ITGA10: variants seen among roughly 807,000 people sequenced by gnomAD.
ITGA10 encodes integrin alpha-10.
ITGA10 carries 105 observed loss-of-function variants against 145.2 expected under a neutral mutation model. The observed-to-expected ratio is 0.72, with a 90% CI of 0.62 to 0.85. The LOEUF (loss-of-function observed/expected upper bound fraction) is 0.85. Ranked by LOEUF, ITGA10 falls within the 40% of genes least tolerant of loss-of-function variation. The probability of loss-of-function intolerance (pLI) is 0.00; values close to 1 mark genes in which losing one functional copy is unlikely to be tolerated. For synonymous variants in ITGA10, 506 were observed against 557.8 expected (o/e 0.91, Z 1.31); for missense variants, 1,317 against 1,444.5 (o/e 0.91, Z 1.43).
In ITGA10 at chr1:145,895,676, TG is replaced by T; in HGVS notation, c.3068del (p.Pro1023GlnfsTer16). On this transcript the variant is annotated frameshift_variant, in exon 26 of 30. Transcript: ENST00000369304. LOFTEE classifies it high-confidence loss of function. ...SCIVQNLTEPPGPPVHPEELQ... is the reference protein window; with the variant it reads ...SCIVQNLTEPXGPPVHPEELQ... ...GCTCCTCTGGATGCACAGGTGGGCC[TG>T]GGGGTTCAGTCAGGTTCTGCACTAT... The T allele has an allele frequency of 1.2e-6, 2 of 1,614,232 alleles. No individual in the cohort carries two copies. The highest frequency in any genetic ancestry group is 1.7e-6 in the Non-Finnish European group (2 of 1,180,034).
At chr1:145,896,896 C>T (rs1194649233) in intron 22 of ITGA10, 38 bp from the exon 23 acceptor site, 1 of 1,570,810 alleles carries the variant, frequency 6.4e-7, no homozygotes. Context: ...ATCTCAACCC[C>T]TCCTCAGAAG....
At position 145,900,823 on chromosome 1, in the gene ITGA10, T is replaced by C. The variant is rs1240041074; in HGVS notation, c.1758A>G (p.Gly586=). 4 of 1,613,998 alleles carry C rather than the reference T, an allele frequency of 2.5e-6. No individual in the cohort carries two copies. Among genetic ancestry groups the C allele is most frequent in the African/African-American group, 1.3e-5 (1 of 74,876 alleles). The stretch of plus-strand genomic sequence containing the variant: ...GATGGGGCCTGACTCCACTCTGGGT[T>C]CCATGGTACAGGTACAGTGCTCCCT... ...GHQGALYLYH[G]TQSGVRPHPA... Residue 586 remains glycine, a synonymous_variant, in exon 14 of 30, where the codon GGA becomes GGG. Coordinates refer to ENST00000369304, the MANE Select transcript of ITGA10 (RefSeq NM_003637.5).
At chr1:145,897,166 C>T in intron 21 of ITGA10, 79 bp from the exon 22 acceptor site, 1 of 1,564,526 alleles carries the variant, frequency 6.4e-7, no homozygotes, top group Admixed American at 1.7e-5. Context: ...CTTGTGCGCC[C>T]CCTTCCCTGA....
intron 18 of ITGA10, 29 bp downstream of exon 18, chr1:145,898,081 A>G: frequency 6.6e-7 from 1 of 1,516,036 alleles, no homozygotes; most frequent in East Asian, 2.3e-5. Context: ...CAGTGTTGGG[A>G]GCAAGGGGCA....
At chr1:145,906,939 G>A in intron 3 of ITGA10, 102 bp downstream of exon 3, 1 of 1,137,612 alleles carries the variant, frequency 8.8e-7, no homozygotes, top group Non-Finnish European at 1.3e-6. Flanking sequence ...GGGACAGGGA[G>A]TATGCGGATT....
chr1:145,904,328 CCTCT>C (rs1307876223), intron 6 of ITGA10, 128 bp from the exon 7 acceptor site: 9 of 872,180 alleles, frequency 1.0e-5, no homozygotes, highest in Middle Eastern at 2.9e-4. Flanking sequence ...ACATTTATCC[CCTCT>C]CTCTCTGTCT....
At chr1:145,894,909 A>G (rs1001081990) in intron 27 of ITGA10, among the ~76,000 whole-genome samples, 1 of 152,158 alleles carries the variant, frequency 6.6e-6, no homozygotes, top group Non-Finnish European at 1.5e-5. Flanking sequence ...AACGTGATGG[A>G]TTCTTAACTG....
At chr1:145,897,994 T>C in intron 18 of ITGA10, 94 bp from the exon 19 acceptor site, 3 of 1,310,746 alleles carry the variant, frequency 2.3e-6, no homozygotes, top group Non-Finnish European at 3.3e-6. Flanking sequence ...TGGGTATATT[T>C]TGATTAGAGG....
At chr1:145,907,705 T>A (rs900869801) in intron 1 of ITGA10, 9 of 458,330 alleles carry the variant, frequency 2.0e-5, no homozygotes, top group Admixed American at 6.5e-5. Context: ...CAGCTGTATT[T>A]CCATTCCCAC....
intron 27 of ITGA10, among the ~76,000 whole-genome samples, chr1:145,894,376 C>T (rs1294295000): frequency 1.3e-5 from 2 of 152,060 alleles, no homozygotes; most frequent in East Asian, 3.8e-4. Flanking sequence ...TCCCAAAGTG[C>T]AGGGATTACA....
chr1:145,901,544 C>A lies in ITGA10; in HGVS notation c.1415G>T (p.Arg472Met). 1 of 1,596,178 alleles carries A rather than the reference C, an allele frequency of 6.3e-7. No homozygotes were observed. ...AFQLKKDGAV[R>M]VAQSLQGEQI... Reference sequence around the variant, plus strand: ...CTCCCCCTGGAGGCTCTGGGCAACCCTCACAGCCCCATCTTTCTTAAGCTG... The same window carrying A: ...CTCCCCCTGGAGGCTCTGGGCAACCATCACAGCCCCATCTTTCTTAAGCTG... The change falls in exon 12 of 30, where the codon AGG becomes ATG. Residue 472 changes from arginine (R) to methionine (M), a missense_variant. Arg to Met is a moderately conservative substitution (Grantham distance 91). Transcript: ENST00000369304. This position sits in a 1 kb window ranked among gnomAD's most constrained non-coding sequence, Gnocchi z 4.3.
intron 14 of ITGA10, 25 bp from the exon 15 acceptor site, chr1:145,900,212 A>T: frequency 6.2e-7 from 1 of 1,600,166 alleles, no homozygotes; most frequent in Non-Finnish European, 8.5e-7. Context: ...GAGAATACTG[A>T]GGCAGGGACC....
chr1:145,894,355 C>T (rs587747439), intron 27 of ITGA10, among the ~76,000 whole-genome samples: 1 of 152,114 alleles, frequency 6.6e-6, no homozygotes, highest in East Asian at 1.9e-4. Context: ...CATGATCTGC[C>T]CACCTTGGCC....
chr1:145,895,937 C>T (rs781908665), intron 25 of ITGA10, 46 bp downstream of exon 25: 7 of 1,457,726 alleles, frequency 4.8e-6, no homozygotes, highest in Middle Eastern at 1.9e-4. Flanking sequence ...AGTGAGTCCA[C>T]CAGCTCAAGG....
At chr1:145,896,207 T>C in intron 24 of ITGA10, 61 bp downstream of exon 24, 1 of 1,503,412 alleles carries the variant, frequency 6.7e-7, no homozygotes, top group Admixed American at 1.7e-5. Context: ...TCCCATCCTT[T>C]TCCCACAAAG....
chr1:145,904,256 G>A, intron 6 of ITGA10, 56 bp from the exon 7 acceptor site: 2 of 1,558,740 alleles, frequency 1.3e-6, no homozygotes, highest in Non-Finnish European at 1.8e-6. Context: ...GGGGAGAGGA[G>A]GAAGAAGAAA....
Position 145,906,571 on chromosome 1 carries a change from T to C in ITGA10, c.367-63A>G, listed in dbSNP as rs587747037. 43 of 1,449,636 alleles carry C rather than the reference T, an allele frequency of 3.0e-5. 1 individual carries two copies. The Middle Eastern group carries it at 5.2e-4, about 18-fold the overall frequency. The allele number at this position is 1,449,636 out of a possible 1,614,324, so 89.8% of individuals were successfully genotyped here. On this transcript the variant is annotated intron_variant, in intron 4 of 29. Transcript: ENST00000369304. ...GGGCACCCTCAGAACATGCTCCCAG[T>C]TGAAGGAGGCATGAAGACTACTCCC...
chr1:145,899,495 T>C (rs1339457959), intron 15 of ITGA10, among the ~76,000 whole-genome samples, 154 bp from the exon 16 acceptor site: 4 of 151,956 alleles, frequency 2.6e-5, no homozygotes, highest in East Asian at 1.9e-4. Context: ...AGTAAGATAA[T>C]AGATTCATGT....
intron 7 of ITGA10, among the ~76,000 whole-genome samples, chr1:145,903,684 CATTTT>C (rs1464790291): frequency 6.7e-6 from 1 of 149,992 alleles, no homozygotes; most frequent in Non-Finnish European, 1.5e-5. Flanking sequence ...ATTTTCATTT[CATTTT>C]ATTTTATTTT....
Sources: allele counts gnomAD v4.1 joint callset (sites outside exome capture counted in the v4.1 genomes callset), GRCh38; gene constraint gnomAD v4.1.1; non-coding constraint Gnocchi (gnomAD v3.1); transcripts MANE v1.5; gene names NCBI Gene and HGNC (gene_info 2026-07-23, HGNC 2026-07-21).